Variants in RNLS observed in about 807,000 individuals in gnomAD.
RNLS encodes renalase, FAD dependent amine oxidase.
In RNLS, 39 loss-of-function variants were observed where a neutral mutation model predicts 39.8. The observed-to-expected ratio is 0.98, with a 90% confidence interval of 0.76 to 1.28. RNLS has a LOEUF of 1.28. Ranked by LOEUF, RNLS falls within the 50% of genes most tolerant of loss-of-function variation. RNLS has a pLI of 0.00. For synonymous variants in RNLS, 147 were observed against 150.7 expected (o/e 0.98, Z 0.18); for missense variants, 410 against 413.3 (o/e 0.99, Z 0.07).
chr10:88,268,836 T>G, the RNLS span, among the ~76,000 whole-genome samples: 1 of 152,214 alleles, frequency 6.6e-6, no homozygotes, highest in Non-Finnish European at 1.5e-5. Context: ...CAGAATGAAT[T>G]TATTTCAAGT....
At position 88,284,998 on chromosome 10, in the gene RNLS, T is replaced by C. The variant is rs1234208992; in HGVS notation, c.*356A>G. 4 of 997,172 alleles carry C rather than the reference T, an allele frequency of 4.0e-6. No homozygotes were observed. The highest frequency in any genetic ancestry group is 1.0e-4 in the East Asian group (1 of 9,704). The allele number at this position is 997,172 out of a possible 1,614,324, so 61.8% of individuals were successfully genotyped here. A position where few individuals can be genotyped will look rare whatever the true frequency, so the allele number is the denominator to read the frequency against. Reference sequence around the variant, plus strand: ...AATGTGATTATTCTTTATTCAGAATTGAAATTTTCATAAGGATAATCAAGT... The same window carrying C: ...AATGTGATTATTCTTTATTCAGAATCGAAATTTTCATAAGGATAATCAAGT... On this transcript the variant is annotated 3_prime_UTR_variant, in exon 7 of 7. Coordinates refer to ENST00000331772, the MANE Select transcript of RNLS (RefSeq NM_001031709.3).
At chr10:88,453,663 C>T (rs1891431) in intron 4 of RNLS, among the ~76,000 whole-genome samples, 27,730 of 152,084 alleles carry the variant, frequency 0.18, 2,792 homozygotes, top group Middle Eastern at 0.29. Flanking sequence ...GAAATTTGCT[C>T]CTTATTTATG....
chr10:88,171,753 C>T, the RNLS span, among the ~76,000 whole-genome samples: 1 of 152,110 alleles, frequency 6.6e-6, no homozygotes, highest in Non-Finnish European at 1.5e-5. Flanking sequence ...TAACTATAAT[C>T]ACCCTACAGT....
At chr10:88,476,465 C>A (rs1843828398) in intron 4 of RNLS, among the ~76,000 whole-genome samples, 1 of 152,004 alleles carries the variant, frequency 6.6e-6, no homozygotes, top group Non-Finnish European at 1.5e-5. Context: ...TGCTGTATAC[C>A]CTTTAATCTT....
chr10:88,179,734 A>G, the RNLS span, among the ~76,000 whole-genome samples: 2 of 152,220 alleles, frequency 1.3e-5, no homozygotes, highest in Non-Finnish European at 2.9e-5. Context: ...TTTAACCACA[A>G]TGCTCTAAGG....
intron 6 of RNLS, among the ~76,000 whole-genome samples, chr10:88,307,707 T>C (rs562005586): frequency 3.3e-5 from 5 of 152,322 alleles, no homozygotes; most frequent in African/African-American, 1.2e-4. Flanking sequence ...AAGCATTTCA[T>C]GCTCATGGAT....
the RNLS span, among the ~76,000 whole-genome samples, chr10:88,235,373 C>T: frequency 6.6e-6 from 1 of 150,836 alleles, no homozygotes; most frequent in African/African-American, 2.4e-5. Flanking sequence ...AGCAAACAAG[C>T]ACGACTGATT....
At chr10:88,572,564 C>A (rs949999870) in intron 4 of RNLS, among the ~76,000 whole-genome samples, 14 of 152,152 alleles carry the variant, frequency 9.2e-5, no homozygotes, top group Non-Finnish European at 1.8e-4. Flanking sequence ...AGGAGGCAAT[C>A]CAAGCAAGTA....
intron 4 of RNLS, among the ~76,000 whole-genome samples, chr10:88,468,498 C>T (rs561175221): frequency 6.6e-6 from 1 of 152,274 alleles, no homozygotes; most frequent in East Asian, 1.9e-4. Context: ...GGCATCTAGA[C>T]TAATACAACT....
intron 3 of RNLS, among the ~76,000 whole-genome samples, chr10:88,579,783 C>G (rs999160352): frequency 2.0e-5 from 3 of 152,124 alleles, no homozygotes; most frequent in Non-Finnish European, 4.4e-5. Flanking sequence ...TTGACTTGGC[C>G]ATAGGATGCC....
intron 4 of RNLS, among the ~76,000 whole-genome samples, chr10:88,377,338 A>G (rs1851095203): frequency 6.6e-6 from 1 of 152,172 alleles, no homozygotes; most frequent in South Asian, 2.1e-4. Flanking sequence ...ACTGTAAGCT[A>G]CAGGGAAAAA....
At chr10:88,290,692 G>C (rs1004795644) in intron 6 of RNLS, among the ~76,000 whole-genome samples, 1 of 152,176 alleles carries the variant, frequency 6.6e-6, no homozygotes, top group African/African-American at 2.4e-5. Flanking sequence ...CTAAAGGCTC[G>C]CATTTAGAGA....
intron 3 of RNLS, among the ~76,000 whole-genome samples, chr10:88,581,037 C>T (rs1178600175): frequency 6.6e-6 from 1 of 151,798 alleles, no homozygotes; most frequent in Non-Finnish European, 1.5e-5. Flanking sequence ...TTTGTATTAG[C>T]AAAAACCAAA....
chr10:88,582,939 C>G, intron 1 of RNLS, 134 bp downstream of exon 1: 3 of 1,061,340 alleles, frequency 2.8e-6, no homozygotes, highest in Non-Finnish European at 3.9e-6. Flanking sequence ...GCGCATGGGC[C>G]GCGCTACACG....
chr10:88,407,837 CAT>C (rs1043766629), intron 4 of RNLS, among the ~76,000 whole-genome samples: 16 of 152,084 alleles, frequency 1.1e-4, no homozygotes, highest in Non-Finnish European at 1.5e-5. Flanking sequence ...GTGTGCAAAA[CAT>C]AAATGACACA....
chr10:88,208,270 A>C, the RNLS span, among the ~76,000 whole-genome samples: 2 of 152,076 alleles, frequency 1.3e-5, no homozygotes, highest in African/African-American at 2.4e-5. Flanking sequence ...TGGTTTTATA[A>C]GGTTGGCTAC....
intron 4 of RNLS, among the ~76,000 whole-genome samples, chr10:88,568,853 C>T (rs913842908): frequency 2.0e-5 from 3 of 152,094 alleles, no homozygotes; most frequent in Non-Finnish European, 4.4e-5. Flanking sequence ...TGCTAAGGCA[C>T]GGTATTAATA....
chr10:88,206,133 A>G, the RNLS span, among the ~76,000 whole-genome samples: 3 of 152,156 alleles, frequency 2.0e-5, no homozygotes, highest in African/African-American at 4.8e-5. Context: ...GGTTTTTCCC[A>G]CTAAGTTTCT....
chr10:88,352,848 T>C (rs1848832466), intron 5 of RNLS, among the ~76,000 whole-genome samples: 1 of 152,358 alleles, frequency 6.6e-6, no homozygotes, highest in South Asian at 2.1e-4. Context: ...TTTTGGTTGG[T>C]AAGCTATTAA....
Sources: gnomAD v4.1 joint callset for allele counts (sites outside exome capture counted in the v4.1 genomes callset) on GRCh38, gnomAD v4.1.1 for gene constraint, MANE v1.5 for transcripts, NCBI Gene and HGNC (gene_info 2026-07-23, HGNC 2026-07-21) for gene names.